The following SORD variants were observed in gnomAD, a reference collection of about 807,000 sequenced individuals.
The protein encoded by SORD is (R,R)-butanediol dehydrogenase.
SORD carries 18 observed loss-of-function variants against 35.6 expected under a neutral mutation model. The observed-to-expected ratio is 0.51, with a 90% CI of 0.35 to 0.75. The LOEUF is 0.75. Ranked by LOEUF, SORD falls within the 30% of genes least tolerant of loss-of-function variation. The pLI is 0.01. For synonymous variants in SORD, 106 were observed against 152.9 expected (o/e 0.69, Z 2.26); for missense variants, 250 against 390.2 (o/e 0.64, Z 3.03).
intron 1 of SORD, among the ~76,000 whole-genome samples, chr15:45,027,821 G>C (rs175224): frequency 6.6e-6 from 1 of 152,222 alleles, no homozygotes; most frequent in Admixed American, 6.5e-5. Flanking sequence ...GGGGTGGTGG[G>C]AAGCTTGTTT....
chr15:45,058,702 T>C (rs1268791352), intron 3 of SORD: 2 of 152,168 alleles, frequency 1.3e-5, no homozygotes, highest in Middle Eastern at 3.2e-3. Flanking sequence ...GAAAGTTTAA[T>C]AAGTGAAAGA....
chr15:45,059,279 T>C (rs1163277840), intron 3 of SORD, among the ~76,000 whole-genome samples: 6 of 152,004 alleles, frequency 3.9e-5, no homozygotes, highest in Non-Finnish European at 7.4e-5. Flanking sequence ...TACAGTGAGC[T>C]GTGATTGCAT....
chr15:45,035,113 T>C (rs112810620), intron 1 of SORD, among the ~76,000 whole-genome samples: 7,058 of 152,144 alleles, frequency 0.046, 203 homozygotes, highest in South Asian at 0.12. Context: ...GCCTGACCCT[T>C]CCCCCGACTC....
chr15:45,052,768 G>A (rs1229843638), intron 3 of SORD, among the ~76,000 whole-genome samples: 10 of 152,104 alleles, frequency 6.6e-5, no homozygotes, highest in Admixed American at 6.6e-4. Context: ...TTCAGACACT[G>A]AACATCCAGT....
intron 1 of SORD, among the ~76,000 whole-genome samples, chr15:45,035,577 C>T (rs1451886054): frequency 1.3e-5 from 2 of 152,060 alleles, no homozygotes; most frequent in Non-Finnish European, 2.9e-5. Flanking sequence ...TGAGTGGGGC[C>T]AGATAAGAGA....
At chr15:45,068,293 T>C (rs763855802) in intron 6 of SORD, 47 bp downstream of exon 6, 3 of 1,390,898 alleles carry the variant, frequency 2.2e-6, no homozygotes, top group East Asian at 4.6e-5. Flanking sequence ...AAACAGCGGG[T>C]CCTACTGTAT....
At chr15:45,070,572 A>C (rs1893495579) in intron 7 of SORD, 1 of 152,238 alleles carries the variant, frequency 6.6e-6, no homozygotes, top group Admixed American at 6.5e-5. Context: ...TGTCATAGGC[A>C]GTGGTCGCCA....
intron 1 of SORD, among the ~76,000 whole-genome samples, chr15:45,033,827 G>A (rs1406420502): frequency 6.6e-6 from 1 of 151,076 alleles, no homozygotes; most frequent in African/African-American, 2.4e-5. Flanking sequence ...TTTTGGTAAG[G>A]ATTAAAGTAG....
At chr15:45,069,485 C>T (rs1292245503) in intron 7 of SORD, among the ~76,000 whole-genome samples, 1 of 152,118 alleles carries the variant, frequency 6.6e-6, no homozygotes, top group Non-Finnish European at 1.5e-5. Context: ...GCTGGGATTA[C>T]AGGCGCTATC....
intron 1 of SORD, among the ~76,000 whole-genome samples, chr15:45,035,491 C>G (rs1298196514): frequency 5.3e-5 from 8 of 152,088 alleles, no homozygotes; most frequent in African/African-American, 1.4e-4. Flanking sequence ...ACCTTTGTGT[C>G]TAGCTCAGGG....
chr15:45,026,586 T>G (rs769174652), intron 1 of SORD, among the ~76,000 whole-genome samples: 9 of 136,752 alleles, frequency 6.6e-5, no homozygotes, highest in Non-Finnish European at 1.3e-4. Context: ...GATAAAATGG[T>G]TCAGTGCCTC....
intron 3 of SORD, among the ~76,000 whole-genome samples, chr15:45,057,619 C>T (rs1295617364): frequency 6.6e-6 from 1 of 152,086 alleles, no homozygotes; most frequent in Non-Finnish European, 1.5e-5. Flanking sequence ...CCCGTCTCTA[C>T]TAAAAATACA....
chr15:45,050,336 C>G (rs1893105814), intron 3 of SORD, among the ~76,000 whole-genome samples: 1 of 152,238 alleles, frequency 6.6e-6, no homozygotes, highest in African/African-American at 2.4e-5. Flanking sequence ...CTGCCTTAGC[C>G]TCCCAAAGTG....
At chr15:45,035,569 A>G (rs1253785139) in intron 1 of SORD, among the ~76,000 whole-genome samples, 2 of 152,262 alleles carry the variant, frequency 1.3e-5, no homozygotes, top group Admixed American at 1.3e-4. Context: ...GCAGGATGTG[A>G]GTGGGGCCAG....
intron 4 of SORD, among the ~76,000 whole-genome samples, chr15:45,064,279 G>A (rs192864072): frequency 5.9e-5 from 9 of 152,240 alleles, no homozygotes; most frequent in African/African-American, 1.9e-4. Context: ...GGTTAAGTCT[G>A]GCCTTCATTC....
rs887350462 is a variant in SORD, at chr15:45,067,804, G to A, written c.545-377G>A. ...GTGATGGGTTCTCACAAAGGTAGGG[G>A]CAAAGAAAGACCAGGAAAACAAGTC... On this transcript the variant is annotated intron_variant, in intron 5 of 8. Transcript: ENST00000267814. 3.3e-5 allele frequency among the ~76,000 whole-genome samples: 5 copies of A among 152,242 alleles called. No homozygotes were observed. The South Asian group carries it at 6.2e-4, about 19-fold the overall frequency.
At chr15:45,025,469 C>G (rs1482357284) in intron 1 of SORD, among the ~76,000 whole-genome samples, 1 of 152,002 alleles carries the variant, frequency 6.6e-6, no homozygotes, top group Non-Finnish European at 1.5e-5. Flanking sequence ...GAAACTGTCT[C>G]TACTATAAAT....
intron 4 of SORD, 117 bp from the exon 5 acceptor site, chr15:45,065,154 T>G: frequency 1.1e-6 from 1 of 947,428 alleles, no homozygotes; most frequent in Admixed American, 2.3e-5. Context: ...TGCACATAAA[T>G]AAATGCTCGA....
intron 6 of SORD, among the ~76,000 whole-genome samples, 195 bp downstream of exon 6, chr15:45,068,441 G>C (rs921494258): frequency 1.6e-4 from 24 of 146,580 alleles, no homozygotes; most frequent in African/African-American, 6.1e-4. Context: ...GAGAGTTTGT[G>C]TGAGAGAGTG....
Sources: gnomAD v4.1 joint callset for allele counts (sites outside exome capture counted in the v4.1 genomes callset) on GRCh38, gnomAD v4.1.1 for gene constraint, MANE v1.5 for transcripts, NCBI Gene and HGNC (gene_info 2026-07-23, HGNC 2026-07-21) for gene names.